RYR2: variants seen among roughly 807,000 people sequenced by gnomAD.
RYR2 encodes cardiac muscle ryanodine receptor-calcium release channel.
Under a neutral mutation model 601.1 loss-of-function variants are expected in RYR2, and 227 were observed. That is an observed-to-expected ratio of 0.38 (90% CI 0.34 to 0.42). The LOEUF is 0.42. Ranked by LOEUF, RYR2 falls within the 10% of genes least tolerant of loss-of-function variation. RYR2 has a pLI of 1.00. For synonymous variants in RYR2, 2,223 were observed against 2,175.1 expected (o/e 1.02, Z -0.61); for missense variants, 4,646 against 6,156.5 (o/e 0.75, Z 8.21).
intron 1 of RYR2, among the ~76,000 whole-genome samples, chr1:237,164,810 T>G (rs1261088977): frequency 1.3e-5 from 2 of 152,176 alleles, no homozygotes; most frequent in Non-Finnish European, 2.9e-5. Flanking sequence ...TTATTTTCAG[T>G]TTTGTTTTTC....
intron 1 of RYR2, among the ~76,000 whole-genome samples, chr1:237,075,435 G>T (rs1254025340): frequency 2.1e-5 from 3 of 140,756 alleles, no homozygotes; most frequent in African/African-American, 5.4e-5. Flanking sequence ...TGCGCGAGCC[G>T]AAGCAGGGCG....
intron 2 of RYR2, among the ~76,000 whole-genome samples, chr1:237,319,302 C>T (rs1695396566): frequency 6.6e-6 from 1 of 152,114 alleles, no homozygotes; most frequent in Non-Finnish European, 1.5e-5. Flanking sequence ...TGTCAAGGCA[C>T]TCAGAGAGTT....
intron 1 of RYR2, among the ~76,000 whole-genome samples, chr1:237,222,460 T>G (rs1369854845): frequency 1.3e-5 from 2 of 151,916 alleles, no homozygotes; most frequent in African/African-American, 4.8e-5. Flanking sequence ...TTGGTGCATA[T>G]TAAATGGGTT....
chr1:237,182,481 A>T (rs1441367410), intron 1 of RYR2, among the ~76,000 whole-genome samples: 2 of 152,080 alleles, frequency 1.3e-5, no homozygotes, highest in African/African-American at 4.8e-5. Context: ...AATTGTCACC[A>T]TCTTACTCTT....
At position 237,832,819 on chromosome 1, in the gene RYR2, G is replaced by A. The variant is rs572814930; in HGVS notation, c.*172G>A. 7 of 515,296 alleles carry A rather than the reference G, an allele frequency of 1.4e-5. No homozygotes were observed. Among genetic ancestry groups the A allele is most frequent in the African/African-American group, 1.4e-4 (7 of 51,840 alleles). 31.9% of individuals were successfully genotyped at this position (515,296 alleles called of 1,614,324 possible). ...GAGCTGTTTCCTCCCCCCACCTTTT[G>A]TATTTACTTTGAGACTAAAGACTGA... On this transcript the variant is annotated 3_prime_UTR_variant, in exon 105 of 105. Transcript: ENST00000366574.
chr1:237,809,061 A>G (rs1660973066), intron 100 of RYR2, 26 bp downstream of exon 100: 2 of 1,598,786 alleles, frequency 1.3e-6, no homozygotes, highest in Non-Finnish European at 1.7e-6. Context: ...TTGATCTCAC[A>G]TAAACAAAAA....
At chr1:237,279,605 CT>C (rs1690649489) in intron 2 of RYR2, among the ~76,000 whole-genome samples, 1 of 152,206 alleles carries the variant, frequency 6.6e-6, no homozygotes, top group African/African-American at 2.4e-5. Context: ...TTTTGCAAAA[CT>C]GGGAAAGATT....
At chr1:237,569,436 G>A (rs1672434724) in intron 29 of RYR2, 117 bp downstream of exon 29, 2 of 924,628 alleles carry the variant, frequency 2.2e-6, no homozygotes, top group African/African-American at 1.7e-5. Flanking sequence ...AGTTGCAGCT[G>A]TAAATCGTGA....
chr1:237,381,200 G>C (rs10802609), intron 8 of RYR2, among the ~76,000 whole-genome samples: 34,140 of 144,890 alleles, frequency 0.24, 4,112 homozygotes, highest in East Asian at 0.39. Flanking sequence ...AGCCGATATT[G>C]TGCCTCATGC....
At chr1:237,308,872 C>T (rs1351849551) in intron 2 of RYR2, among the ~76,000 whole-genome samples, 2 of 152,220 alleles carry the variant, frequency 1.3e-5, no homozygotes, top group Non-Finnish European at 2.9e-5. Flanking sequence ...GTCCATTTTA[C>T]AGAGAGCTGA....
In RYR2 at chr1:237,660,059, G is replaced by A. The variant is rs780778878; in HGVS notation, c.8283G>A (p.Lys2761=). The A allele has an allele frequency of 9.7e-6, 15 of 1,549,698 alleles. No homozygotes were observed. The highest frequency in any genetic ancestry group is 1.3e-5 in the Non-Finnish European group (15 of 1,149,466). ...SKVQPLMKPY[K]LLSEKEKEIY... ...TTCAGCCATTAATGAAGCCATATAA[G>A]CTATTGTCTGAAAAGGTAAGGATTT... Residue 2761 remains lysine (K), a synonymous_variant, in exon 55 of 105, where the codon AAG becomes AAA. Transcript: ENST00000366574.
chr1:237,565,652 T>C (rs1472850882), intron 27 of RYR2, among the ~76,000 whole-genome samples: 1 of 152,180 alleles, frequency 6.6e-6, no homozygotes, highest in Non-Finnish European at 1.5e-5. Context: ...CCACCATTTT[T>C]AGTTGTGCGA....
At chr1:237,406,157 T>TC (rs1703852441) in intron 10 of RYR2, among the ~76,000 whole-genome samples, 2 of 30,256 alleles carry the variant, frequency 6.6e-5, no homozygotes, top group Non-Finnish European at 1.1e-4. Flanking sequence ...CCCCTCCCCT[T>TC]CCCTTCCCTT....
At chr1:237,363,176 T>C (rs567355232) in intron 4 of RYR2, among the ~76,000 whole-genome samples, 1 of 152,210 alleles carries the variant, frequency 6.6e-6, no homozygotes, top group South Asian at 2.1e-4. Flanking sequence ...GAATTAAGGC[T>C]TAATAATGAT....
chr1:237,643,441 G>A lies in RYR2; in HGVS notation c.7336G>A (p.Ala2446Thr). The change falls in exon 48 of 105, where the codon GCC becomes ACC. Residue 2446 changes from alanine (A) to threonine (T), a missense_variant. Physicochemically the swap from Ala to Thr is moderately conservative, Grantham distance 58 (BLOSUM62 0). Around this residue, in one of 17 missense-constraint regions of RYR2, gnomAD observed 1,497 missense variants for 1,842.6 expected, o/e 0.81. Transcript: ENST00000366574. Reference sequence around the variant, plus strand: ...CATCGCTTTTCAGATGCCAACAATAGCCAAAGGTAAGGCCAACTTCAATTT... The same window carrying A: ...CATCGCTTTTCAGATGCCAACAATAACCAAAGGTAAGGCCAACTTCAATTT... Reference protein sequence around the residue: ...ISIAFQMPTIAKDGNVVEPDM... With the variant: ...ISIAFQMPTITKDGNVVEPDM... The A allele has an allele frequency of 6.2e-7, 1 of 1,613,766 alleles. No individual in the cohort carries two copies. The highest frequency in any genetic ancestry group is 1.1e-5 in the South Asian group (1 of 91,070).
At chr1:237,697,428 TTATATAA>T (rs966744890) in intron 63 of RYR2, among the ~76,000 whole-genome samples, 3 of 142,646 alleles carry the variant, frequency 2.1e-5, no homozygotes, top group African/African-American at 7.7e-5. Context: ...TCATATATAA[TTATATAA>T]TATATATTTA....
chr1:237,785,036 A>G, intron 90 of RYR2, 64 bp downstream of exon 90: 1 of 1,180,984 alleles, frequency 8.5e-7, no homozygotes, highest in Non-Finnish European at 1.2e-6. Context: ...ATAAATGATC[A>G]TTAGACCAGG....
At chr1:237,670,264 C>G in intron 58 of RYR2, among the ~76,000 whole-genome samples, 1 of 139,026 alleles carries the variant, frequency 7.2e-6, no homozygotes, top group South Asian at 2.2e-4. Flanking sequence ...GGCTCGGCAT[C>G]AGAGGGAGAC....
At chr1:237,432,241 G>A (rs1211057180) in intron 12 of RYR2, among the ~76,000 whole-genome samples, 1 of 151,544 alleles carries the variant, frequency 6.6e-6, no homozygotes, top group Non-Finnish European at 1.5e-5. Context: ...GTTTAATCTC[G>A]AGTGTACTTC....
Sources: allele counts gnomAD v4.1 joint callset (sites outside exome capture counted in the v4.1 genomes callset), GRCh38; gene constraint gnomAD v4.1.1; regional missense constraint gnomAD v4.1.1; transcripts MANE v1.5; gene names NCBI Gene and HGNC (gene_info 2026-07-23, HGNC 2026-07-21).